The following TAFA2 variants were observed in gnomAD, a reference collection of about 807,000 sequenced individuals.
TAFA2 encodes the protein chemokine-like protein TAFA-2.
Under a neutral mutation model 18.8 loss-of-function variants are expected in TAFA2, and 7 were observed. The observed-to-expected ratio is 0.37, with a 90% CI of 0.21 to 0.70. The LOEUF is 0.70. Among genes scored for constraint, TAFA2 ranks in the 30% least tolerant of loss-of-function variants. The pLI is 0.53. For missense variants in TAFA2, 122 were observed against 158.1 expected (o/e 0.77, Z 1.23); for synonymous variants, 60 against 54.2 (o/e 1.11, Z -0.47).
chr12:61,935,179 T>G (rs905251535), intron 1 of TAFA2, among the ~76,000 whole-genome samples: 2 of 152,218 alleles, frequency 1.3e-5, no homozygotes, highest in Non-Finnish European at 2.9e-5. Flanking sequence ...ATTTTATTTT[T>G]AGAATGTCTG....
In TAFA2 at chr12:61,849,950, T is replaced by G. The variant is rs541942817; in HGVS notation, c.106+17370A>C. 2.7e-4 allele frequency among the ~76,000 whole-genome samples: 41 copies of G among 152,290 alleles called. No individual in the cohort carries two copies. In the South Asian group the frequency reaches 5.2e-3, roughly 19 times the overall value. ...TGAATCTATACGCTATTAGGACTTT[T>G]ACAAATTATCATTAATGACAAAAAA... On this transcript the variant is annotated intron_variant, in intron 2 of 4. Coordinates refer to ENST00000416284, the MANE Select transcript of TAFA2 (RefSeq NM_178539.5).
At chr12:61,920,373 A>G (rs533443651) in intron 1 of TAFA2, among the ~76,000 whole-genome samples, 2 of 152,274 alleles carry the variant, frequency 1.3e-5, no homozygotes, top group African/African-American at 2.4e-5. Context: ...GACTGCCACA[A>G]ATCTCCTCTC....
intron 1 of TAFA2, among the ~76,000 whole-genome samples, chr12:61,948,874 T>A (rs181371719): frequency 6.6e-6 from 1 of 152,296 alleles, no homozygotes; most frequent in East Asian, 1.9e-4. Flanking sequence ...GTCAGGTGAT[T>A]GCCTGTCCCC....
intron 1 of TAFA2, among the ~76,000 whole-genome samples, chr12:61,933,421 A>G (rs1319799654): frequency 6.6e-6 from 1 of 152,174 alleles, no homozygotes; most frequent in Non-Finnish European, 1.5e-5. Flanking sequence ...GCTAAAAGAT[A>G]TGTTTCCTGG....
chr12:62,030,032 T>C (rs1158301688), intron 1 of TAFA2, among the ~76,000 whole-genome samples: 1 of 152,132 alleles, frequency 6.6e-6, no homozygotes, highest in African/African-American at 2.4e-5. Flanking sequence ...AAATAAGGAA[T>C]AATCACAACT....
chr12:62,234,936 G>T (rs2062829753), intron 1 of TAFA2: 2 of 780,590 alleles, frequency 2.6e-6, no homozygotes, highest in East Asian at 6.1e-5. Context: ...AGGGGGCATA[G>T]CCTGGGCCTC....
Position 61,816,852 on chromosome 12 carries a change from C to T in TAFA2, c.106+50468G>A, listed in dbSNP as rs117549797. 8.7e-3 allele frequency among the ~76,000 whole-genome samples: 1,314 copies of T among 151,182 alleles called. 18 individuals are homozygous for T. Among genetic ancestry groups the T allele is most frequent in the Non-Finnish European group, 0.013 (852 of 68,016 alleles). ...GATTTATTGTCCTTCTCACATCTGA[C>T]TGAACACTTGGAGGACAAAGATATT... is the stretch of plus-strand genomic sequence containing the variant. On this transcript the variant is annotated intron_variant, in intron 2 of 4. Coordinates refer to ENST00000416284, the MANE Select transcript of TAFA2 (RefSeq NM_178539.5).
At chr12:61,935,711 G>A (rs1359096258) in intron 1 of TAFA2, among the ~76,000 whole-genome samples, 3 of 151,980 alleles carry the variant, frequency 2.0e-5, no homozygotes, top group African/African-American at 7.2e-5. Context: ...TTAAACATCT[G>A]AATTCTAACC....
At chr12:61,814,975 T>C (rs1872018466) in intron 2 of TAFA2, among the ~76,000 whole-genome samples, 1 of 151,602 alleles carries the variant, frequency 6.6e-6, no homozygotes, top group East Asian at 1.9e-4. Flanking sequence ...CCAATTCATT[T>C]TGAATCTCTG....
intron 1 of TAFA2, among the ~76,000 whole-genome samples, chr12:61,901,255 T>G (rs1876086076): frequency 3.0e-5 from 1 of 33,500 alleles, no homozygotes; most frequent in Non-Finnish European, 4.8e-5. Flanking sequence ...ACTCTTCAAT[T>G]TCACTTTTTT....
intron 1 of TAFA2, among the ~76,000 whole-genome samples, chr12:62,199,838 T>C (rs1033257330): frequency 6.6e-6 from 1 of 152,156 alleles, no homozygotes; most frequent in African/African-American, 2.4e-5. Context: ...CACATTGTCT[T>C]CCACAATGGT....
At chr12:61,835,250 A>T (rs951094291) in intron 2 of TAFA2, among the ~76,000 whole-genome samples, 1 of 152,086 alleles carries the variant, frequency 6.6e-6, no homozygotes, top group Middle Eastern at 3.2e-3. Flanking sequence ...GTAGATATAA[A>T]TAACGATACT....
At chr12:62,113,420 G>A (rs1013806883) in intron 1 of TAFA2, among the ~76,000 whole-genome samples, 2 of 152,212 alleles carry the variant, frequency 1.3e-5, no homozygotes, top group Middle Eastern at 3.4e-3. Context: ...GGTGCCTGTC[G>A]ACCCCTGCTG....
At chr12:61,816,678 A>G (rs943453345) in intron 2 of TAFA2, among the ~76,000 whole-genome samples, 3 of 151,298 alleles carry the variant, frequency 2.0e-5, no homozygotes, top group Non-Finnish European at 4.4e-5. Flanking sequence ...TAAGTAGAGC[A>G]TTGGGATAAG....
chr12:61,784,798 T>C (rs1286482931), intron 2 of TAFA2, among the ~76,000 whole-genome samples: 1 of 151,444 alleles, frequency 6.6e-6, no homozygotes, highest in Non-Finnish European at 1.5e-5. Flanking sequence ...TATTTTCTTT[T>C]CTCTCTTTTC....
At chr12:61,852,121 C>T (rs1170504338) in intron 2 of TAFA2, among the ~76,000 whole-genome samples, 7 of 151,134 alleles carry the variant, frequency 4.6e-5, no homozygotes, top group South Asian at 4.2e-4. Flanking sequence ...GCAGGAGAAT[C>T]GCTTGAACCC....
chr12:61,712,227 T>C (rs1457479887), intron 4 of TAFA2, among the ~76,000 whole-genome samples: 1 of 152,124 alleles, frequency 6.6e-6, no homozygotes, highest in Non-Finnish European at 1.5e-5. Flanking sequence ...TGACACGTCC[T>C]CTTGATCCAC....
intron 4 of TAFA2, among the ~76,000 whole-genome samples, chr12:61,753,294 A>C (rs1022592443): frequency 4.6e-5 from 7 of 152,084 alleles, no homozygotes; most frequent in Non-Finnish European, 8.8e-5. Flanking sequence ...CATTAGAAAA[A>C]TAAAGGATTG....
chr12:62,128,614 C>A (rs1335058987), intron 1 of TAFA2, among the ~76,000 whole-genome samples: 1 of 152,032 alleles, frequency 6.6e-6, no homozygotes, highest in Admixed American at 6.6e-5. Context: ...CCCGCTCTCC[C>A]TTCCCTGTCC....
Sources: allele counts gnomAD v4.1 joint callset (sites outside exome capture counted in the v4.1 genomes callset), GRCh38; gene constraint gnomAD v4.1.1; transcripts MANE v1.5; gene names NCBI Gene and HGNC (gene_info 2026-07-23, HGNC 2026-07-21).